STRBP: variants seen among roughly 807,000 people sequenced by gnomAD.
The protein encoded by STRBP is spermatid perinuclear RNA-binding protein.
Under a neutral mutation model 80.1 loss-of-function variants are expected in STRBP, and 13 were observed. That is an observed-to-expected ratio of 0.16 (90% CI 0.11 to 0.26). STRBP has a LOEUF of 0.26. Among genes scored for constraint, STRBP ranks in the 10% least tolerant of loss-of-function variants. The pLI is 1.00. For missense variants in STRBP, 485 were observed against 815.2 expected (o/e 0.59, Z 4.93); for synonymous variants, 284 against 291.2 (o/e 0.98, Z 0.25).
At chr9:123,166,624 T>C (rs2037770044) in intron 6 of STRBP, among the ~76,000 whole-genome samples, 1 of 151,952 alleles carries the variant, frequency 6.6e-6, no homozygotes, top group Admixed American at 6.6e-5. Flanking sequence ...CATGGTGGCA[T>C]GCACCTGTAG....
chr9:123,155,987 G>T (rs1272270800), intron 11 of STRBP, among the ~76,000 whole-genome samples: 2 of 151,656 alleles, frequency 1.3e-5, no homozygotes, highest in Non-Finnish European at 2.9e-5. Flanking sequence ...GACAGAACTA[G>T]AACAGGAACA....
chr9:123,124,775 T>C lies in STRBP; in HGVS notation c.*822A>G. 1.0e-6 allele frequency: 1 copy of C among 985,460 alleles called. No individual in the cohort carries two copies. The highest frequency in any genetic ancestry group is 1.2e-6 in the Non-Finnish European group (1 of 829,940). The allele number at this position is 985,460 out of a possible 1,614,324, so 61.0% of individuals were successfully genotyped here. A position where few individuals can be genotyped will look rare whatever the true frequency, so the allele number is the denominator to read the frequency against. On this transcript the variant is annotated 3_prime_UTR_variant, in exon 19 of 19. Coordinates refer to ENST00000348403, the MANE Select transcript of STRBP (RefSeq NM_018387.5). ...TTCATAAACTAGGATAATCACATTC[T>C]CCTTCCCCATCTCTGGGTAGTGCCA... is the stretch of plus-strand genomic sequence containing the variant.
intron 13 of STRBP, among the ~76,000 whole-genome samples, chr9:123,140,755 T>C (rs1310444507): frequency 1.3e-5 from 2 of 152,234 alleles, no homozygotes; most frequent in African/African-American, 4.8e-5. Flanking sequence ...TCAAACTTCT[T>C]ATACTTTCAG....
In STRBP at chr9:123,128,262, G is replaced by A; in HGVS notation, c.1898-4C>T. On this transcript the variant is annotated splice_region_variant and splice_polypyrimidine_tract_variant and intron_variant, in intron 17 of 18. Coordinates refer to ENST00000348403, the MANE Select transcript of STRBP (RefSeq NM_018387.5). ...TAACCATATGGTGTTCCATAGCCTA[G>A]TGCAAAGAAGAAGAAGGCAGATCAG... 6.2e-7 allele frequency: 1 copy of A among 1,614,178 alleles called. No individual in the cohort carries two copies. Among genetic ancestry groups the A allele is most frequent in the Non-Finnish European group, 8.5e-7 (1 of 1,180,016 alleles).
chr9:123,129,227 C>T (rs1014531974), intron 17 of STRBP, among the ~76,000 whole-genome samples: 4 of 151,976 alleles, frequency 2.6e-5, no homozygotes, highest in African/African-American at 9.7e-5. Context: ...TATGGTGGTG[C>T]ATGCCTGTAG....
chr9:123,248,337 G>A lies in STRBP; in HGVS notation c.-301-11371C>T, dbSNP rs563567118. Among the ~76,000 whole-genome samples the A allele has an allele frequency of 2.4e-3, 325 of 137,954 alleles. 2 individuals carry two copies. The highest frequency in any genetic ancestry group is 8.0e-3 in the African/African-American group (296 of 36,828). The allele number at this position is 137,954 out of a possible 152,430, so 90.5% of individuals were successfully genotyped here. On this transcript the variant is annotated intron_variant, in intron 1 of 18. Coordinates refer to ENST00000348403, the MANE Select transcript of STRBP (RefSeq NM_018387.5). ...GGCTAGAGCGCAATGGCACGATCTC[G>A]GCTCACTGCAACCTCTGCCTCCTGG...
intron 9 of STRBP, 23 bp from the exon 10 acceptor site, chr9:123,158,452 G>C (rs779296228): frequency 1.2e-6 from 2 of 1,602,242 alleles, no homozygotes; most frequent in South Asian, 1.1e-5. Context: ...AAAAACACAA[G>C]TATCATTTAG....
At chr9:123,203,689 C>T (rs960575975) in intron 2 of STRBP, among the ~76,000 whole-genome samples, 5 of 151,960 alleles carry the variant, frequency 3.3e-5, no homozygotes, top group African/African-American at 1.2e-4. Context: ...ATAGCGACCT[C>T]GGCCAGGCGC....
In STRBP at chr9:123,123,062, T is replaced by C. The variant is rs1028468972; in HGVS notation, c.*2535A>G. On this transcript the variant is annotated 3_prime_UTR_variant, in exon 19 of 19. Coordinates refer to ENST00000348403, the MANE Select transcript of STRBP (RefSeq NM_018387.5). ...AGCTGGATAGCCTCAGGGTGTCACATTGCTCTTAAGACCAAGACATAGAAA... is the reference window on the plus strand; with the variant it reads ...AGCTGGATAGCCTCAGGGTGTCACACTGCTCTTAAGACCAAGACATAGAAA... 2.7e-5 allele frequency: 27 copies of C among 985,306 alleles called. No individual in the cohort carries two copies. The South Asian group carries it at 5.2e-4, about 19-fold the overall frequency. 61.0% of individuals were successfully genotyped at this position (985,306 alleles called of 1,614,324 possible). A position where few individuals can be genotyped will look rare whatever the true frequency, so the allele number is the denominator to read the frequency against.
At chr9:123,111,476 C>T (rs1336513969) in intron 3 of STRBP, 1 of 344,930 alleles carries the variant, frequency 2.9e-6, no homozygotes, top group Non-Finnish European at 6.0e-6. Flanking sequence ...AGTCAAGCAA[C>T]TTTCTGACCA....
At position 123,219,326 on chromosome 9, in the gene STRBP, A is replaced by AC. The variant is rs545642606; in HGVS notation, c.-165+17503dup. 5.2e-4 allele frequency among the ~76,000 whole-genome samples: 79 copies of AC among 152,068 alleles called. 1 individual carries two copies. The highest frequency in any genetic ancestry group is 3.7e-3 in the East Asian group (19 of 5,188). On this transcript the variant is annotated intron_variant, in intron 2 of 18. Coordinates refer to ENST00000348403, the MANE Select transcript of STRBP (RefSeq NM_018387.5). ...GACCCAAAGAGTCTCTACGATTTCA[A>AC]CCCCCCACAAACTCTGCCTGGGGTT...
At chr9:123,226,843 G>C (rs138547413) in intron 2 of STRBP, among the ~76,000 whole-genome samples, 2 of 152,232 alleles carry the variant, frequency 1.3e-5, no homozygotes, top group African/African-American at 4.8e-5. Flanking sequence ...GAATACCACA[G>C]ATTTGGTAAT....
downstream of STRBP, among the ~76,000 whole-genome samples, chr9:123,118,805 C>T (rs1406050924): frequency 6.6e-6 from 1 of 152,144 alleles, no homozygotes; most frequent in African/African-American, 2.4e-5. Flanking sequence ...CACCTCTTAC[C>T]AACAGCCAAG....
At chr9:123,164,237 G>A (rs1157022537) in intron 6 of STRBP, among the ~76,000 whole-genome samples, 1 of 152,078 alleles carries the variant, frequency 6.6e-6, no homozygotes, top group Non-Finnish European at 1.5e-5. Context: ...AGTAGAGATG[G>A]GGTTTCACCA....
chr9:123,215,806 T>A (rs1273406062), intron 2 of STRBP, among the ~76,000 whole-genome samples: 2 of 152,010 alleles, frequency 1.3e-5, no homozygotes, highest in African/African-American at 4.8e-5. Flanking sequence ...ATAAATAAAT[T>A]CAATAAATAC....
downstream of STRBP, chr9:123,121,486 C>T (rs1164880028): frequency 1.3e-5 from 2 of 152,126 alleles, no homozygotes; most frequent in Non-Finnish European, 2.9e-5. Context: ...AGATGGATTG[C>T]TTTAAGTCTA....
At chr9:123,264,985 C>CTTT (rs2041238219) in intron 1 of STRBP, among the ~76,000 whole-genome samples, 2 of 152,058 alleles carry the variant, frequency 1.3e-5, no homozygotes, top group Non-Finnish European at 2.9e-5. Flanking sequence ...AATTCTCTGC[C>CTTT]AAAAAGCAAA....
chr9:123,115,828 G>A lies in STRBP; in HGVS notation c.*84+101C>T, dbSNP rs754349256. 1.4e-5 allele frequency: 5 copies of A among 354,154 alleles called. No homozygotes were observed. Among genetic ancestry groups the A allele is most frequent in the East Asian group, 7.4e-5 (1 of 13,568 alleles). 21.9% of individuals were successfully genotyped at this position (354,154 alleles called of 1,614,324 possible). ...CTCTCAAGGCTGCGTCTGTCATCGC[G>A]GGAGGTGTATTTTAGCTCAAATTGC... On this transcript the variant is annotated intron_variant and NMD_transcript_variant, in intron 3 of 3. Coordinates refer to the STRBP transcript ENST00000471564. The surrounding 1 kb of genome is among the most constrained non-coding windows in gnomAD (Gnocchi z 5.0).
Position 123,158,097 on chromosome 9 carries a change from G to A in STRBP, c.960C>T (p.Gly320=), listed in dbSNP as rs803736. 0.79 allele frequency: 1,268,748 copies of A among 1,607,534 alleles called. 529,376 individuals carry two copies. Among genetic ancestry groups the A allele is most frequent in the Non-Finnish European group, 0.86 (1,012,489 of 1,177,434 alleles). The change falls in exon 11 of 19, where the codon GGC becomes GGT. Residue 320 remains glycine, a synonymous_variant. Transcript: ENST00000348403. ...AQHALRLSAF[G]QIYKVLEMDP... The stretch of plus-strand genomic sequence containing the variant: ...CCATCTCCAGCACTTTGTAAATCTG[G>A]CCAAAGGCTGATAGTCTGAGTGCAT...
Sources: allele counts gnomAD v4.1 joint callset (sites outside exome capture counted in the v4.1 genomes callset), GRCh38; gene constraint gnomAD v4.1.1; non-coding constraint Gnocchi (gnomAD v3.1); transcripts MANE v1.5; gene names NCBI Gene and HGNC (gene_info 2026-07-23, HGNC 2026-07-21).